Variants in PPP3R1 observed in about 807,000 individuals in gnomAD.
PPP3R1 encodes the protein calcineurin subunit B type 1.
A neutral mutation model predicts 22.6 loss-of-function variants in PPP3R1; 5 were observed. The ratio of observed to expected loss-of-function variants is 0.22; its 90% confidence interval spans 0.12 to 0.46. The LOEUF (loss-of-function observed/expected upper bound fraction) is 0.46. PPP3R1 is among the 20% of genes least tolerant of loss of function. The probability of loss-of-function intolerance (pLI) is 0.99; values close to 1 mark genes in which losing one functional copy is unlikely to be tolerated. For missense variants in PPP3R1, 61 were observed against 203.2 expected (o/e 0.30, Z 4.25); for synonymous variants, 56 against 65.2 (o/e 0.86, Z 0.68).
At chr2:68,195,521 G>T (rs1246580288) in intron 2 of PPP3R1, among the ~76,000 whole-genome samples, 3 of 152,032 alleles carry the variant, frequency 2.0e-5, no homozygotes, top group Non-Finnish European at 4.4e-5. Flanking sequence ...GGGAGGAGAG[G>T]GGGTAGGGAA....
chr2:68,216,959 T>C (rs1669590293), intron 2 of PPP3R1, 133 bp downstream of exon 2: 1 of 621,520 alleles, frequency 1.6e-6, no homozygotes, highest in Non-Finnish European at 2.7e-6. Flanking sequence ...TTTAAATAGT[T>C]AAGGGCTCAC....
chr2:68,216,978 A>G, intron 2 of PPP3R1, 114 bp downstream of exon 2: 2 of 739,136 alleles, frequency 2.7e-6, no homozygotes, highest in Middle Eastern at 2.5e-4. Flanking sequence ...ACATTGCTAC[A>G]AAGGTAAGTA....
intron 2 of PPP3R1, among the ~76,000 whole-genome samples, chr2:68,201,473 G>A (rs1343779882): frequency 1.3e-5 from 2 of 151,742 alleles, no homozygotes; most frequent in African/African-American, 2.4e-5. Flanking sequence ...TTCATATAAC[G>A]GCTTTTACTT....
Position 68,198,205 on chromosome 2 carries a change from T to C in PPP3R1, c.44-9515A>G, listed in dbSNP as rs556550547. Reference sequence around the variant, plus strand: ...TATATAATATATATTTACATATATGTGCATACATATATACATTTTACATAT... The same window carrying C: ...TATATAATATATATTTACATATATGCGCATACATATATACATTTTACATAT... On this transcript the variant is annotated intron_variant, in intron 2 of 5. Coordinates refer to ENST00000234310, the MANE Select transcript of PPP3R1 (RefSeq NM_000945.4). Among the ~76,000 whole-genome samples, 11 of 143,864 alleles carry C rather than the reference T, an allele frequency of 7.6e-5. No homozygotes were observed. The South Asian group carries it at 2.2e-3, about 29-fold the overall frequency. 94.4% of individuals were successfully genotyped at this position (143,864 alleles called of 152,430 possible).
At chr2:68,186,321 A>C in intron 5 of PPP3R1, 147 bp downstream of exon 5, 1 of 703,966 alleles carries the variant, frequency 1.4e-6, no homozygotes. Context: ...AATTACAATG[A>C]AGAACACATT....
At chr2:68,206,109 C>T (rs974517582) in intron 2 of PPP3R1, among the ~76,000 whole-genome samples, 3 of 152,272 alleles carry the variant, frequency 2.0e-5, no homozygotes, top group East Asian at 1.9e-4. Flanking sequence ...TGAGCCACCG[C>T]GCCCGGCGGC....
At chr2:68,207,515 G>A (rs995594763) in intron 2 of PPP3R1, among the ~76,000 whole-genome samples, 3 of 152,194 alleles carry the variant, frequency 2.0e-5, no homozygotes, top group Non-Finnish European at 4.4e-5. Context: ...CCAGATGTAC[G>A]TAAGGAACAT....
intron 1 of PPP3R1, among the ~76,000 whole-genome samples, chr2:68,227,546 G>A (rs1669806221): frequency 6.6e-6 from 1 of 150,442 alleles, no homozygotes; most frequent in Admixed American, 6.6e-5. Flanking sequence ...TCATACCTAT[G>A]ACAGATCCAA....
intron 2 of PPP3R1, among the ~76,000 whole-genome samples, chr2:68,198,759 A>G (rs1019974530): frequency 6.6e-6 from 1 of 152,174 alleles, no homozygotes; most frequent in South Asian, 2.1e-4. Context: ...GAAGCTATAG[A>G]TAAGTCTGAG....
At chr2:68,246,067 C>CTTTTTTTTTTTTTTTTTTTTT (rs746584723) in intron 1 of PPP3R1, among the ~76,000 whole-genome samples, 2 of 73,808 alleles carry the variant, frequency 2.7e-5, no homozygotes, top group Admixed American at 1.9e-4. Context: ...TTCTTTCTTT[C>CTTTTTTTTTTTTTTTTTTTTT]TTTTTTTTTT....
intron 1 of PPP3R1, 134 bp downstream of exon 1, chr2:68,251,979 CAACCGCCGCGGG>C: frequency 1.2e-6 from 1 of 849,378 alleles, no homozygotes. Flanking sequence ...GGCTCGCCCG[CAACCGCCGCGGG>C]ACCCGCCGGG....
Position 68,252,304 on chromosome 2 carries a change from G to T in PPP3R1, c.-177C>A. ...CGGGGCCCGCGCCGGCCGGGCGATTGGGCACGCGAGGGAGCGGGCAGGGTA... is the reference window on the plus strand; with the variant it reads ...CGGGGCCCGCGCCGGCCGGGCGATTTGGCACGCGAGGGAGCGGGCAGGGTA... On this transcript the variant is annotated 5_prime_UTR_variant, in exon 1 of 6. Coordinates refer to ENST00000234310, the MANE Select transcript of PPP3R1 (RefSeq NM_000945.4). 9.7e-7 allele frequency: 1 copy of T among 1,025,946 alleles called. No individual in the cohort carries two copies. The highest frequency in any genetic ancestry group is 1.2e-6 in the Non-Finnish European group (1 of 857,654). 63.6% of individuals were successfully genotyped at this position (1,025,946 alleles called of 1,614,324 possible).
intron 2 of PPP3R1, among the ~76,000 whole-genome samples, chr2:68,190,255 TAAAAAAAAAA>T (rs34117344): frequency 2.4e-4 from 6 of 25,118 alleles, no homozygotes; most frequent in Non-Finnish European, 3.4e-4. Context: ...AAGTTTCTCT[TAAAAAAAAAA>T]AAAAAAAAAA....
intron 2 of PPP3R1, among the ~76,000 whole-genome samples, chr2:68,215,410 G>A (rs560278207): frequency 8.9e-4 from 135 of 152,196 alleles, no homozygotes; most frequent in Admixed American, 8.4e-3. Context: ...TGTCCATAAG[G>A]AAGCCGCATA....
intron 1 of PPP3R1, among the ~76,000 whole-genome samples, chr2:68,236,228 T>C (rs1670017029): frequency 6.6e-6 from 1 of 152,160 alleles, no homozygotes; most frequent in Non-Finnish European, 1.5e-5. Flanking sequence ...TGGTATCATA[T>C]ATATTAAGAA....
chr2:68,198,062 CAAAAAAAAAAAAAAAAA>C (rs199824687), intron 2 of PPP3R1, among the ~76,000 whole-genome samples: 1 of 42,004 alleles, frequency 2.4e-5, no homozygotes, highest in Non-Finnish European at 3.8e-5. Context: ...GCACCTTTGG[CAAAAAAAAAAAAAAAAA>C]AAAAAAAAAA....
intron 2 of PPP3R1, among the ~76,000 whole-genome samples, 161 bp from the exon 3 acceptor site, chr2:68,188,851 G>T (rs780845631): frequency 1.4e-4 from 22 of 152,070 alleles, no homozygotes; most frequent in Non-Finnish European, 3.1e-4. Flanking sequence ...ATAAAAAGAG[G>T]TATATATTAT....
intron 2 of PPP3R1, among the ~76,000 whole-genome samples, chr2:68,205,301 G>A (rs1363266564): frequency 1.5e-5 from 2 of 137,694 alleles, no homozygotes; most frequent in Admixed American, 8.1e-5. Flanking sequence ...GCAGTGCAAT[G>A]GCGCAATCTC....
chr2:68,235,280 T>G (rs1669997521), intron 1 of PPP3R1, among the ~76,000 whole-genome samples: 1 of 152,158 alleles, frequency 6.6e-6, no homozygotes, highest in Non-Finnish European at 1.5e-5. Flanking sequence ...TTTTAGTACA[T>G]TCAAACCATT....
Sources: gnomAD v4.1 joint callset for allele counts (sites outside exome capture counted in the v4.1 genomes callset) on GRCh38, gnomAD v4.1.1 for gene constraint, MANE v1.5 for transcripts, NCBI Gene and HGNC (gene_info 2026-07-23, HGNC 2026-07-21) for gene names.